Variants in ABCG1 observed in about 807,000 individuals in gnomAD.
ABCG1 encodes the protein ATP-binding cassette sub-family G member 1.
ABCG1 carries 29 observed loss-of-function variants against 69.2 expected under a neutral mutation model. That is an observed-to-expected ratio of 0.42 (90% CI 0.31 to 0.57). The LOEUF is 0.57. Among genes scored for constraint, ABCG1 ranks in the 20% least tolerant of loss-of-function variants. The probability of loss-of-function intolerance (pLI) is 0.15; values close to 1 mark genes in which losing one functional copy is unlikely to be tolerated. For missense variants in ABCG1, 718 were observed against 898.1 expected, an observed-to-expected ratio of 0.80 and a Z score of 2.56; for synonymous variants, 370 against 374.8, an observed-to-expected ratio of 0.99 and a Z score of 0.15.
chr21:42,270,902 A>G (rs78923761), intron 2 of ABCG1, among the ~76,000 whole-genome samples, 168 bp from the exon 3 acceptor site: 1,841 of 152,368 alleles, frequency 0.012, 47 homozygotes, highest in African/African-American at 0.041. Context: ...GACGTAGACC[A>G]GGGAATTCGA....
In ABCG1 at chr21:42,238,928, A is replaced by AAATT. The variant is rs577823699; in HGVS notation, c.286+13017_286+13018insTAAT. Among the ~76,000 whole-genome samples, 13 of 152,336 alleles carry AAATT rather than the reference A, an allele frequency of 8.5e-5. No individual in the cohort carries two copies. The East Asian group carries it at 1.7e-3, about 20-fold the overall frequency. Reference sequence around the variant, plus strand: ...TCTTGGATTTGCAAATATTTAATGTAAATCCATTAATGTTGTAGCTTTATA... The same window carrying AAATT: ...TCTTGGATTTGCAAATATTTAATGTAAATTAATCCATTAATGTTGTAGCTTTATA... On this transcript the variant is annotated intron_variant, in intron 2 of 14. Transcript: ENST00000398449.
At position 42,296,753 on chromosome 21, in the gene ABCG1, G is replaced by A. The variant is rs2069219784; in HGVS notation, c.*361G>A. ...TTAGCACCAGGCACCGTGGGTCCTG[G>A]ATGGGGAACTGCAAGCAGCCTCTCA... On this transcript the variant is annotated 3_prime_UTR_variant, in exon 15 of 15. Transcript: ENST00000398449. The surrounding 1 kb of genome is among the most constrained non-coding windows in gnomAD (Gnocchi z 5.4). 2 of 290,826 alleles carry A rather than the reference G, an allele frequency of 6.9e-6. No individual in the cohort carries two copies. The highest frequency in any genetic ancestry group is 4.3e-5 in the African/African-American group (2 of 46,978). 18.0% of individuals were successfully genotyped at this position (290,826 alleles called of 1,614,324 possible).
chr21:42,273,518 C>A lies in ABCG1; in HGVS notation c.537+83C>A. The A allele has an allele frequency of 6.7e-7, 1 of 1,496,384 alleles. No individual in the cohort carries two copies. The highest frequency in any genetic ancestry group is 1.3e-5 in the South Asian group (1 of 78,272). The allele number at this position is 1,496,384 out of a possible 1,614,324, so 92.7% of individuals were successfully genotyped here. On this transcript the variant is annotated intron_variant, in intron 4 of 14. Coordinates refer to ENST00000398449, the MANE Select transcript of ABCG1 (RefSeq NM_016818.3). This position sits in a 1 kb window ranked among gnomAD's most constrained non-coding sequence, Gnocchi z 5.3. ...ATTAGACACAGCACTGGCCGAGTGC[C>A]CAGCTGCGAGGGACCCAAGGGCTCT...
In ABCG1 at chr21:42,219,243, G is replaced by C; in HGVS notation, c.-20G>C. The C allele has an allele frequency of 6.5e-7, 1 of 1,527,890 alleles. No homozygotes were observed. The highest frequency in any genetic ancestry group is 8.7e-7 in the Non-Finnish European group (1 of 1,144,792). 94.6% of individuals were successfully genotyped at this position (1,527,890 alleles called of 1,614,324 possible). ...CGTCCCCGCCGCCGCCGCCGCCGCCGCCGCCGCCGCCCCCGGGGCATGGCC... is the reference window on the plus strand; with the variant it reads ...CGTCCCCGCCGCCGCCGCCGCCGCCCCCGCCGCCGCCCCCGGGGCATGGCC... On this transcript the variant is annotated 5_prime_UTR_variant, in exon 1 of 15. Coordinates refer to ENST00000398449, the MANE Select transcript of ABCG1 (RefSeq NM_016818.3). This position sits in a 1 kb window ranked among gnomAD's most constrained non-coding sequence, Gnocchi z 5.3.
intron 2 of ABCG1, among the ~76,000 whole-genome samples, chr21:42,208,704 A>G (rs967096728): frequency 1.3e-5 from 2 of 152,094 alleles, no homozygotes; most frequent in African/African-American, 4.8e-5. Context: ...TCTTTTTTTC[A>G]TGTAGCAGGA....
chr21:42,227,876 A>T (rs1231981616), intron 2 of ABCG1, among the ~76,000 whole-genome samples: 1 of 152,108 alleles, frequency 6.6e-6, no homozygotes, highest in Non-Finnish European at 1.5e-5. Flanking sequence ...ACCCACACAC[A>T]TTTAGAACAT....
At chr21:42,251,582 C>T (rs1454934584) in intron 2 of ABCG1, among the ~76,000 whole-genome samples, 1 of 151,918 alleles carries the variant, frequency 6.6e-6, no homozygotes, top group Non-Finnish European at 1.5e-5. Flanking sequence ...ATGGCAGCGG[C>T]CAACGCATGT....
chr21:42,245,406 C>T (rs1471378157), intron 2 of ABCG1, among the ~76,000 whole-genome samples: 1 of 152,184 alleles, frequency 6.6e-6, no homozygotes, highest in Non-Finnish European at 1.5e-5. Context: ...AGTCCAGATA[C>T]AAGGATTATG....
At chr21:42,262,400 G>T (rs148236497) in intron 2 of ABCG1, among the ~76,000 whole-genome samples, 10 of 152,270 alleles carry the variant, frequency 6.6e-5, no homozygotes, top group African/African-American at 2.4e-4. Flanking sequence ...TCTTACGGCC[G>T]TAGATTTCAG....
At chr21:42,256,301 TGCCCG>T in intron 2 of ABCG1, 1 of 1,530,528 alleles carries the variant, frequency 6.5e-7, no homozygotes, top group Non-Finnish European at 8.8e-7. Flanking sequence ...TTCCAACTTT[TGCCCG>T]GAGTCTACAG....
intron 1 of ABCG1, among the ~76,000 whole-genome samples, chr21:42,224,459 C>A (rs981617489): frequency 6.6e-6 from 1 of 152,234 alleles, no homozygotes; most frequent in East Asian, 1.9e-4. Flanking sequence ...ACCCTCCCAG[C>A]TCTGCTCGGG....
chr21:42,235,521 T>C (rs1305587620), intron 2 of ABCG1, among the ~76,000 whole-genome samples: 1 of 152,128 alleles, frequency 6.6e-6, no homozygotes, highest in Non-Finnish European at 1.5e-5. Context: ...GTTTCATACT[T>C]TTAGGGAGAC....
chr21:42,247,024 AC>A (rs200699504), intron 2 of ABCG1, among the ~76,000 whole-genome samples: 4,927 of 152,304 alleles, frequency 0.032, 92 homozygotes, highest in African/African-American at 0.051. Context: ...GTTAGACGTG[AC>A]TGTCTAAGGT....
intron 2 of ABCG1, among the ~76,000 whole-genome samples, chr21:42,246,846 G>A (rs369804975): frequency 3.5e-4 from 53 of 152,180 alleles, no homozygotes; most frequent in Non-Finnish European, 5.0e-4. Flanking sequence ...GTATTTATTT[G>A]TTCTGAGCAA....
intron 2 of ABCG1, among the ~76,000 whole-genome samples, chr21:42,227,334 A>G (rs1389311605): frequency 6.6e-6 from 1 of 152,172 alleles, no homozygotes; most frequent in Non-Finnish European, 1.5e-5. Flanking sequence ...CTCCTTCTCA[A>G]CTTAAAGAAA....
intron 2 of ABCG1, chr21:42,260,222 T>C: frequency 1.9e-6 from 3 of 1,540,216 alleles, no homozygotes; most frequent in South Asian, 2.4e-5. Context: ...ACTTCAACCC[T>C]GCAGGTGGCA....
intron 2 of ABCG1, among the ~76,000 whole-genome samples, chr21:42,264,001 A>G (rs895746254): frequency 6.6e-6 from 1 of 152,200 alleles, no homozygotes; most frequent in Non-Finnish European, 1.5e-5. Context: ...GGGGCATGAT[A>G]ATCAAGAAGC....
At chr21:42,277,785 T>C (rs1006174293) in intron 5 of ABCG1, among the ~76,000 whole-genome samples, 1 of 152,242 alleles carries the variant, frequency 6.6e-6, no homozygotes, top group Non-Finnish European at 1.5e-5. Flanking sequence ...CTTTGTGTTC[T>C]GGTATAAAAT....
intron 2 of ABCG1, among the ~76,000 whole-genome samples, chr21:42,229,863 T>C (rs1221488087): frequency 2.6e-5 from 4 of 152,204 alleles, no homozygotes; most frequent in Non-Finnish European, 4.4e-5. Flanking sequence ...CTATTCTGAC[T>C]CCAAGTTCCT....
Sources: allele counts gnomAD v4.1 joint callset (sites outside exome capture counted in the v4.1 genomes callset), GRCh38; gene constraint gnomAD v4.1.1; non-coding constraint Gnocchi (gnomAD v3.1); transcripts MANE v1.5; gene names NCBI Gene and HGNC (gene_info 2026-07-23, HGNC 2026-07-21).